LTF: variants seen among roughly 807,000 people sequenced by gnomAD.
The protein encoded by LTF is lactotransferrin.
In LTF, 91 loss-of-function variants were observed where a neutral mutation model predicts 87.2. The ratio of observed to expected loss-of-function variants is 1.04; its 90% CI spans 0.88 to 1.24. LTF has a LOEUF of 1.24. Among genes scored for constraint, LTF ranks in the 50% most tolerant of loss-of-function variants. The pLI, the probability that LTF is intolerant of heterozygous loss-of-function variation, is 0.00. For synonymous variants in LTF, 378 were observed against 356.1 expected (o/e 1.06, Z -0.69); for missense variants, 901 against 904.3 (o/e 1.00, Z 0.05).
chr3:46,464,751 G>T lies in LTF; in HGVS notation c.43+74C>A, dbSNP rs895453320. On this transcript the variant is annotated intron_variant, in intron 1 of 16. Coordinates refer to ENST00000231751, the MANE Select transcript of LTF (RefSeq NM_002343.6). ...CCGCGCCCAGCCAACCGGACACAGG[G>T]ACCAAAGCGCCTAGCAGACAGGGCG... The T allele has an allele frequency of 7.1e-6, 11 of 1,553,206 alleles. No individual in the cohort carries two copies. In the African/African-American group the frequency reaches 9.5e-5, roughly 13 times the overall value.
chr3:46,458,807 T>A (rs956220105), intron 2 of LTF, among the ~76,000 whole-genome samples: 1 of 152,212 alleles, frequency 6.6e-6, no homozygotes, highest in African/African-American at 2.4e-5. Flanking sequence ...ACTACTGACC[T>A]CAGGTGATCC....
At chr3:46,453,148 T>A (rs549792860) in intron 6 of LTF, among the ~76,000 whole-genome samples, 1 of 152,260 alleles carries the variant, frequency 6.6e-6, no homozygotes, top group South Asian at 2.1e-4. Flanking sequence ...GGTGTGAAAC[T>A]CAATTTAAAA....
upstream of LTF, among the ~76,000 whole-genome samples, chr3:46,469,159 CTCTT>C (rs1245320918): frequency 6.6e-6 from 1 of 152,262 alleles, no homozygotes; most frequent in East Asian, 1.9e-4. Context: ...AAGACAGTCA[CTCTT>C]TCCATTCTAA....
rs1317156236 is a variant in LTF, at chr3:46,443,572, G to A, written c.1524C>T (p.Phe508=). 1 of 1,613,994 alleles carries A rather than the reference G, an allele frequency of 6.2e-7. No homozygotes were observed. Among genetic ancestry groups the A allele is most frequent in the Non-Finnish European group, 8.5e-7 (1 of 1,180,034 alleles). ...CAGACCCAGGGGCACAGCTTTGACT[G>A]AAATATTCATCTGGAGAGAAGGAAC... ...QTGSCKFDEY[F]SQSCAPGSDP... The change falls in exon 13 of 17, where the codon TTC becomes TTT. Residue 508 remains phenylalanine (F), a synonymous_variant. Coordinates refer to ENST00000231751, the MANE Select transcript of LTF (RefSeq NM_002343.6).
chr3:46,483,433 G>T (rs1053003686), intron 1 of LTF, among the ~76,000 whole-genome samples: 1 of 152,196 alleles, frequency 6.6e-6, no homozygotes, highest in Non-Finnish European at 1.5e-5. Context: ...TATCAACTAA[G>T]CAGTGAGAAT....
At chr3:46,456,450 G>C (rs1036951339) in intron 2 of LTF, 52 bp from the exon 3 acceptor site, 1 of 1,481,270 alleles carries the variant, frequency 6.8e-7, no homozygotes, top group Non-Finnish European at 9.4e-7. Flanking sequence ...CCCAAACCCA[G>C]CAAGTGGGAC....
chr3:46,458,223 C>T (rs1403459134), intron 2 of LTF, among the ~76,000 whole-genome samples: 1 of 152,036 alleles, frequency 6.6e-6, no homozygotes, highest in African/African-American at 2.4e-5. Flanking sequence ...TTTAGAATAT[C>T]TGTTTGTTTC....
rs1351754287 is a variant in LTF, at chr3:46,450,509, G to A, written c.868C>T (p.Leu290Phe). ...NGKEDAIWNL[L>F]RQAQEKFGKD... The stretch of plus-strand genomic sequence containing the variant: ...GGTGAAGATACCTGTGCCTGGCGGA[G>A]AAGATTCCAGATGGCATCCTCCTTG... The change falls in exon 7 of 17, where the codon CTC (leucine) becomes TTC (phenylalanine). Residue 290 changes from leucine (L) to phenylalanine (F), a missense_variant. Physicochemically the swap from Leu to Phe is conservative, Grantham distance 22. Coordinates refer to ENST00000231751, the MANE Select transcript of LTF (RefSeq NM_002343.6). The A allele has an allele frequency of 1.2e-6, 2 of 1,612,486 alleles. No homozygotes were observed. Among genetic ancestry groups the A allele is most frequent in the Admixed American group, 3.3e-5 (2 of 59,896 alleles).
In LTF at chr3:46,446,446, C is replaced by T. The variant is rs61739313; in HGVS notation, c.1351G>A (p.Val451Met). The change falls in exon 11 of 17, where the codon GTG (valine) becomes ATG (methionine). Residue 451 changes from valine (V) to methionine (M), a missense_variant. By Grantham distance (21) the Val-to-Met change is conservative. Transcript: ENST00000231751. ...GTGGCTAATGCCAACTCACCTTCCA[C>T]AGGTCTATCCACACAGTTAGGATCA... ...DPDPNCVDRP[V>M]EGYLAVAVVR... 12,119 of 1,612,990 alleles carry T rather than the reference C, an allele frequency of 7.5e-3. 82 individuals are homozygous for T. The highest frequency in any genetic ancestry group is 0.026 in the Middle Eastern group (155 of 6,058).
In LTF at chr3:46,438,012, T is replaced by C. The variant is rs1232026781; in HGVS notation, c.2026A>G (p.Thr676Ala). 2 of 1,614,138 alleles carry C rather than the reference T, an allele frequency of 1.2e-6. No homozygotes were observed. Among genetic ancestry groups the C allele is most frequent in the Non-Finnish European group, 1.7e-6 (2 of 1,180,008 alleles). ...GGTCCCAAATATTTTTCATATGTTG[T>C]TTTGCCATGGAGTCTGGCCAGACAC... ...TECLARLHGK[T>A]TYEKYLGPQY... Residue 676 changes from threonine to alanine, a missense_variant, in exon 16 of 17, where the codon ACA becomes GCA. Thr to Ala is a moderately conservative substitution (Grantham distance 58). Transcript: ENST00000231751.
At position 46,449,035 on chromosome 3, in the gene LTF, G is replaced by A. The variant is rs528198901; in HGVS notation, c.1058-18C>T. The A allele has an allele frequency of 5.8e-5, 92 of 1,593,366 alleles. 1 individual carries two copies. Among genetic ancestry groups the A allele is most frequent in the South Asian group, 4.0e-4 (36 of 89,114 alleles). ...CTCCTCACCTGCCAGAGGGAAGACC[G>A]CAGGTGGCTGGGCAACCTGAGCTTT... On this transcript the variant is annotated intron_variant, in intron 8 of 16. Coordinates refer to ENST00000231751, the MANE Select transcript of LTF (RefSeq NM_002343.6).
chr3:46,437,507 A>G (rs1702412899), intron 16 of LTF, among the ~76,000 whole-genome samples: 1 of 151,942 alleles, frequency 6.6e-6, no homozygotes, highest in South Asian at 2.1e-4. Flanking sequence ...TTATTTTTGT[A>G]GAACAAGGTC....
At chr3:46,474,395 T>C (rs1703332660) in intron 1 of LTF, among the ~76,000 whole-genome samples, 1 of 152,204 alleles carries the variant, frequency 6.6e-6, no homozygotes, top group Admixed American at 6.5e-5. Context: ...AAAGAGTCAA[T>C]ACACCTAGAA....
intron 15 of LTF, 98 bp downstream of exon 15, chr3:46,439,197 AG>A: frequency 1.7e-6 from 2 of 1,150,266 alleles, no homozygotes; most frequent in South Asian, 3.0e-5. Flanking sequence ...GTAGAGGACT[AG>A]AGAGGATCGA....
chr3:46,436,656 A>G (rs575882045), intron 16 of LTF, among the ~76,000 whole-genome samples: 121 of 152,288 alleles, frequency 7.9e-4, no homozygotes, highest in African/African-American at 2.9e-3. Context: ...AGTGCTGGGG[A>G]CACAGCATGG....
At chr3:46,484,139 G>A (rs1267276348) in intron 1 of LTF, among the ~76,000 whole-genome samples, 3 of 152,190 alleles carry the variant, frequency 2.0e-5, no homozygotes, top group Non-Finnish European at 4.4e-5. Flanking sequence ...CTTGTCAATG[G>A]CTGAAGAGGG....
chr3:46,464,184 T>C (rs886763512), intron 1 of LTF, among the ~76,000 whole-genome samples: 7 of 152,168 alleles, frequency 4.6e-5, no homozygotes, highest in Admixed American at 2.6e-4. Flanking sequence ...GAAATTACTT[T>C]GGTTATGGAA....
At chr3:46,450,769 T>C in intron 6 of LTF, 96 bp from the exon 7 acceptor site, 1 of 1,069,030 alleles carries the variant, frequency 9.4e-7, no homozygotes, top group Non-Finnish European at 1.4e-6. Flanking sequence ...ATTTTGAGCT[T>C]GGGGAGATAG....
intron 1 of LTF, among the ~76,000 whole-genome samples, chr3:46,471,995 G>T (rs919667743): frequency 2.6e-5 from 4 of 152,086 alleles, no homozygotes; most frequent in African/African-American, 9.7e-5. Flanking sequence ...AGGCTTGTTG[G>T]AGCCTCCAGA....
Sources: allele counts gnomAD v4.1 joint callset (sites outside exome capture counted in the v4.1 genomes callset), GRCh38; gene constraint gnomAD v4.1.1; transcripts MANE v1.5; gene names NCBI Gene and HGNC (gene_info 2026-07-23, HGNC 2026-07-21).